TRAPPC13: variants seen among roughly 807,000 people sequenced by gnomAD.
TRAPPC13 encodes the protein REV7-interacting novel NHEJ regulator 1.
A neutral mutation model predicts 54.0 loss-of-function variants in TRAPPC13; 39 were observed. The observed-to-expected ratio is 0.72, with a 90% CI of 0.56 to 0.94. The LOEUF (loss-of-function observed/expected upper bound fraction) is 0.94. Ranked by LOEUF, TRAPPC13 falls within the 40% of genes least tolerant of loss-of-function variation. The pLI, the probability that TRAPPC13 is intolerant of heterozygous loss-of-function variation, is 0.00. For missense variants in TRAPPC13, 386 were observed against 488.1 expected, an observed-to-expected ratio of 0.79 and a Z score of 1.97; for synonymous variants, 148 against 167.7, an observed-to-expected ratio of 0.88 and a Z score of 0.91.
chr5:65,660,661 T>C, intron 9 of TRAPPC13, 38 bp from the exon 10 acceptor site: 1 of 1,508,762 alleles, frequency 6.6e-7, no homozygotes, highest in Non-Finnish European at 8.9e-7. Flanking sequence ...TAAAAGATGC[T>C]AGAGAATTTT....
intron 5 of TRAPPC13, among the ~76,000 whole-genome samples, chr5:65,650,351 AG>A (rs1237212407): frequency 1.3e-5 from 2 of 151,576 alleles, no homozygotes; most frequent in Non-Finnish European, 2.9e-5. Context: ...TAGTAGAGAC[AG>A]GGTTTCACCA....
At chr5:65,627,379 T>G (rs779986577) in intron 1 of TRAPPC13, among the ~76,000 whole-genome samples, 1 of 152,054 alleles carries the variant, frequency 6.6e-6, no homozygotes, top group Non-Finnish European at 1.5e-5. Context: ...GATAATATCT[T>G]GTTATTCTTG....
chr5:65,641,502 CCCCAG>C (rs2150673486), intron 4 of TRAPPC13, among the ~76,000 whole-genome samples: 2 of 152,088 alleles, frequency 1.3e-5, no homozygotes, highest in South Asian at 4.2e-4. Flanking sequence ...CCAGGAGGAT[CCCCAG>C]GACTCACCTG....
At chr5:65,635,834 T>C in intron 2 of TRAPPC13, 110 bp from the exon 3 acceptor site, 1 of 632,948 alleles carries the variant, frequency 1.6e-6, no homozygotes. Flanking sequence ...TTAAATATCA[T>C]CTTTGTCAAG....
chr5:65,643,594 G>A (rs1459180534), intron 4 of TRAPPC13, among the ~76,000 whole-genome samples: 7 of 151,838 alleles, frequency 4.6e-5, no homozygotes, highest in Admixed American at 3.3e-4. Flanking sequence ...CGAGGCGGGC[G>A]GATCACAAGG....
intron 1 of TRAPPC13, among the ~76,000 whole-genome samples, chr5:65,627,131 CAAAAAAAAAAAAA>C (rs60169195): frequency 1.8e-4 from 6 of 32,580 alleles, no homozygotes; most frequent in South Asian, 9.6e-4. Flanking sequence ...GACCCTGTCT[CAAAAAAAAAAAAA>C]AAAAAAAAAA....
At chr5:65,636,159 T>TC (rs397884711) in intron 3 of TRAPPC13, 116 bp downstream of exon 3, 160 of 695,658 alleles carry the variant, frequency 2.3e-4, no homozygotes, top group South Asian at 5.9e-4. Context: ...TTTTTTTTTT[T>TC]CTGAGATGGA....
chr5:65,648,246 T>C (rs527852840), intron 5 of TRAPPC13, among the ~76,000 whole-genome samples: 1 of 152,344 alleles, frequency 6.6e-6, no homozygotes, highest in East Asian at 1.9e-4. Flanking sequence ...TTAGTTTACT[T>C]CTACTTCTCT....
At chr5:65,630,553 G>A (rs752510899) in intron 1 of TRAPPC13, 13 of 1,222,432 alleles carry the variant, frequency 1.1e-5, no homozygotes, top group Non-Finnish European at 1.3e-5. Flanking sequence ...AGGTAAAAAT[G>A]TTCTGTTCCT....
intron 9 of TRAPPC13, among the ~76,000 whole-genome samples, chr5:65,658,814 G>A (rs1756746719): frequency 6.6e-6 from 1 of 151,892 alleles, no homozygotes; most frequent in African/African-American, 2.4e-5. Flanking sequence ...CCACCTCCCA[G>A]GTTCAAGCAA....
intron 9 of TRAPPC13, among the ~76,000 whole-genome samples, chr5:65,659,324 A>C (rs890708705): frequency 6.6e-6 from 1 of 152,204 alleles, no homozygotes; most frequent in Non-Finnish European, 1.5e-5. Flanking sequence ...TCACTTTCCA[A>C]AAACTCTCCT....
chr5:65,647,025 C>T (rs928032250), intron 4 of TRAPPC13, 30 bp from the exon 5 acceptor site: 1 of 1,408,334 alleles, frequency 7.1e-7, no homozygotes, highest in Non-Finnish European at 9.5e-7. Context: ...CTCATTTGGA[C>T]TTTTTTTTTT....
chr5:65,643,819 A>AAAAAAAAAAAAAAGAAAG (rs1361030164), intron 4 of TRAPPC13, among the ~76,000 whole-genome samples: 2 of 101,524 alleles, frequency 2.0e-5, no homozygotes, highest in African/African-American at 6.9e-5. Context: ...TCCGTCTCAG[A>AAAAAAAAAAAAAAGAAAG]AAAAAAAAAA....
At chr5:65,658,705 ATTTTAT>A (rs1385971148) in intron 9 of TRAPPC13, among the ~76,000 whole-genome samples, 1 of 145,756 alleles carries the variant, frequency 6.9e-6, no homozygotes, top group Admixed American at 6.8e-5. Flanking sequence ...CTTGTTTTTT[ATTTTAT>A]TTTTATTTTT....
chr5:65,631,619 G>A (rs1217845429), intron 1 of TRAPPC13, among the ~76,000 whole-genome samples: 1 of 152,072 alleles, frequency 6.6e-6, no homozygotes, highest in Non-Finnish European at 1.5e-5. Flanking sequence ...GAGAATATGT[G>A]GTATTTGATT....
Position 65,645,040 on chromosome 5 carries a change from T to C in TRAPPC13, c.301-2015T>C, listed in dbSNP as rs182182059. ...GGTGAAACCCCATCTCTACTAAAAA[T>C]ACAAAAAATTAGCTAGATGTGGTGA... On this transcript the variant is annotated intron_variant, in intron 4 of 12. Coordinates refer to ENST00000399438, the MANE Select transcript of TRAPPC13 (RefSeq NM_024941.4). Among the ~76,000 whole-genome samples, 536 of 150,536 alleles carry C rather than the reference T, an allele frequency of 3.6e-3. 5 individuals carry two copies. Among genetic ancestry groups the C allele is most frequent in the Admixed American group, 6.3e-3 (95 of 15,126 alleles).
chr5:65,652,574 A>G, intron 7 of TRAPPC13, 29 bp downstream of exon 7: 2 of 1,513,178 alleles, frequency 1.3e-6, no homozygotes, highest in Non-Finnish European at 1.8e-6. Context: ...ATGGGATTTC[A>G]TATTAAACAT....
At position 65,629,857 on chromosome 5, in the gene TRAPPC13, A is replaced by T. The variant is rs184766347; in HGVS notation, c.46+4751A>T. The T allele has an allele frequency of 1.9e-4, 295 of 1,536,088 alleles. 2 individuals carry two copies. The African/African-American group carries it at 3.7e-3, about 20-fold the overall frequency. On this transcript the variant is annotated intron_variant, in intron 1 of 12. Transcript: ENST00000399438. ...ACAGTTATGATTGCACAGTAGATCT[A>T]TTGGAGTTTCAACCTAGCTTGAAAA...
intron 1 of TRAPPC13, among the ~76,000 whole-genome samples, chr5:65,626,761 A>G (rs2150655735): frequency 6.6e-6 from 1 of 152,124 alleles, no homozygotes; most frequent in East Asian, 1.9e-4. Flanking sequence ...AAAAAGTTAA[A>G]TTCCAGTGAT....
Sources: allele counts gnomAD v4.1 joint callset (sites outside exome capture counted in the v4.1 genomes callset), GRCh38; gene constraint gnomAD v4.1.1; transcripts MANE v1.5; gene names NCBI Gene and HGNC (gene_info 2026-07-23, HGNC 2026-07-21).